Variants in SLC19A1 observed in about 807,000 individuals in gnomAD.
SLC19A1 encodes the protein solute carrier family 19 member 1.
Under a neutral mutation model 35.3 loss-of-function variants are expected in SLC19A1, and 37 were observed. The observed-to-expected ratio is 1.05, with a 90% CI of 0.81 to 1.38. The LOEUF is 1.38. Ranked by LOEUF, SLC19A1 falls within the 40% of genes most tolerant of loss-of-function variation. The probability of loss-of-function intolerance (pLI) is 0.00; values close to 1 mark genes in which losing one functional copy is unlikely to be tolerated. For missense variants in SLC19A1, 831 were observed against 826.9 expected (o/e 1.00, Z -0.06); for synonymous variants, 460 against 398.5 (o/e 1.15, Z -1.84).
chr21:45,554,934 T>G (rs550417462), intron 1 of SLC19A1, among the ~76,000 whole-genome samples: 2 of 151,746 alleles, frequency 1.3e-5, no homozygotes, highest in East Asian at 4.0e-4. Flanking sequence ...GCAGCCCCTT[T>G]GACGACATCG....
chr21:45,527,940 TAAAAA>T (rs35809128), intron 4 of SLC19A1, among the ~76,000 whole-genome samples: 1 of 135,636 alleles, frequency 7.4e-6, no homozygotes. Flanking sequence ...GCAAAGTGCT[TAAAAA>T]AAAAAAAAAA....
At position 45,515,614 on chromosome 21, in the gene SLC19A1, G is replaced by A; in HGVS notation, c.*44C>T. 6.2e-7 allele frequency: 1 copy of A among 1,610,554 alleles called. No homozygotes were observed. Among genetic ancestry groups the A allele is most frequent in the Non-Finnish European group, 8.5e-7 (1 of 1,179,724 alleles). On this transcript the variant is annotated 3_prime_UTR_variant, in exon 6 of 6. Transcript: ENST00000311124. ...CCCTCGAGGCAGGGGTCGTGGGGAT[G>A]CACTGAGGGCCGCCTGCAAAGTTAC...
At chr21:45,511,274 A>AAGGC (rs527920027), downstream of SLC19A1, 381 of 1,081,632 alleles carry the variant, frequency 3.5e-4, 6 homozygotes, top group African/African-American at 3.2e-3. Flanking sequence ...CCAGCCAGGG[A>AAGGC]AGGCGGGCGG....
intron 1 of SLC19A1, among the ~76,000 whole-genome samples, chr21:45,555,014 G>T (rs2078529507): frequency 6.6e-6 from 1 of 150,828 alleles, no homozygotes; most frequent in East Asian, 2.0e-4. Context: ...CAGGTTATGC[G>T]TGGGGCCGCC....
At position 45,537,855 on chromosome 21, in the gene SLC19A1, G is replaced by A. The variant is rs777892290; in HGVS notation, c.105C>T (p.Tyr35=). 2.5e-5 allele frequency: 41 copies of A among 1,607,870 alleles called. No individual in the cohort carries two copies. Among genetic ancestry groups the A allele is most frequent in the Middle Eastern group, 1.6e-4 (1 of 6,078 alleles). ...CTGGCCGTATCTGCGCCATGAAGCCGTAGAAGCAAAGGTAGCACACGAGGT... is the reference window on the plus strand; with the variant it reads ...CTGGCCGTATCTGCGCCATGAAGCCATAGAAGCAAAGGTAGCACACGAGGT... ...WRHLVCYLCF[Y]GFMAQIRPGE... The change falls in exon 2 of 6, where the codon TAC becomes TAT. Residue 35 remains tyrosine (Y), a synonymous_variant. Coordinates refer to ENST00000311124, the MANE Select transcript of SLC19A1 (RefSeq NM_194255.4).
At chr21:45,507,053 A>C in intron 3 of SLC19A1, 1 of 320,074 alleles carries the variant, frequency 3.1e-6, no homozygotes, top group Non-Finnish European at 6.2e-6. Context: ...CATCCTAGCA[A>C]ACGCGTGCTG....
In SLC19A1 at chr21:45,514,988, C is replaced by T. The variant is rs989807339; in HGVS notation, c.*670G>A. 4.0e-6 allele frequency: 6 copies of T among 1,510,670 alleles called. No individual in the cohort carries two copies. In the African/African-American group the frequency reaches 7.2e-5, roughly 18 times the overall value. The allele number at this position is 1,510,670 out of a possible 1,614,324, so 93.6% of individuals were successfully genotyped here. ...GAGGACCCGCAGGTCAGGATGGACA[C>T]ACTTCAGAAGGACAGACAGGACCAT... is the stretch of plus-strand genomic sequence containing the variant. On this transcript the variant is annotated 3_prime_UTR_variant, in exon 6 of 6. Transcript: ENST00000311124.
intron 3 of SLC19A1, chr21:45,502,530 C>T (rs538291868): frequency 3.3e-5 from 5 of 152,224 alleles, no homozygotes; most frequent in South Asian, 2.1e-4. Context: ...AGAGAAATTG[C>T]GTATGTTTTA....
intron 5 of SLC19A1, among the ~76,000 whole-genome samples, chr21:45,523,226 C>A (rs143495419): frequency 1.3e-5 from 2 of 152,104 alleles, no homozygotes; most frequent in Admixed American, 1.3e-4. Flanking sequence ...GTAACAGGCA[C>A]GGGGGCAAGA....
chr21:45,526,416 G>A (rs965607741), intron 4 of SLC19A1, among the ~76,000 whole-genome samples: 2 of 152,158 alleles, frequency 1.3e-5, no homozygotes, highest in African/African-American at 4.8e-5. Context: ...GCCTGCTACT[G>A]CCCAGGGCCT....
At chr21:45,527,068 G>A (rs1385278145) in intron 4 of SLC19A1, among the ~76,000 whole-genome samples, 1 of 152,284 alleles carries the variant, frequency 6.6e-6, no homozygotes, top group Non-Finnish European at 1.5e-5. Context: ...AGTCTTTCAC[G>A]GTTAAATGTT....
intron 1 of SLC19A1, among the ~76,000 whole-genome samples, chr21:45,561,167 C>T (rs55804239): frequency 0.41 from 61,672 of 152,008 alleles, 12,706 homozygotes; most frequent in African/African-American, 0.48. Flanking sequence ...GAGGTCTGAA[C>T]AACACCCAGC....
chr21:45,556,607 C>T (rs1057157525), intron 1 of SLC19A1, among the ~76,000 whole-genome samples: 5 of 152,250 alleles, frequency 3.3e-5, no homozygotes, highest in African/African-American at 1.2e-4. Context: ...ACCGTGCAGA[C>T]GAAACCAGTC....
At chr21:45,549,664 G>A (rs2078445674) in intron 1 of SLC19A1, among the ~76,000 whole-genome samples, 1 of 93,632 alleles carries the variant, frequency 1.1e-5, no homozygotes, top group Admixed American at 1.0e-4. Context: ...GGGTGGTGGG[G>A]AGGGGGACAG....
chr21:45,520,863 A>C (rs1388231658), intron 5 of SLC19A1, among the ~76,000 whole-genome samples: 4 of 151,864 alleles, frequency 2.6e-5, no homozygotes, highest in African/African-American at 9.7e-5. Context: ...TCTACTAAAA[A>C]CATGAAATTA....
chr21:45,504,285 A>T (rs564033423), intron 3 of SLC19A1: 31 of 978,738 alleles, frequency 3.2e-5, no homozygotes, highest in Non-Finnish European at 4.6e-6. Context: ...GCCCTATTCT[A>T]TGCAGCCAGC....
Position 45,505,467 on chromosome 21 carries a change from C to T in SLC19A1, c.498-6855G>A, listed in dbSNP as rs763593845. On this transcript the variant is annotated intron_variant, in intron 3 of 4. Transcript: ENST00000417954. ...GGGCAGCCGGCTGGGCACCTGCGTC[C>T]CGTGCCCTGGCTGGTTCTGCAGCCC... 14 of 1,138,656 alleles carry T rather than the reference C, an allele frequency of 1.2e-5. No homozygotes were observed. In the African/African-American group the frequency reaches 1.8e-4, roughly 15 times the overall value. The allele number at this position is 1,138,656 out of a possible 1,614,324, so 70.5% of individuals were successfully genotyped here.
chr21:45,531,009 G>A (rs2077867658), intron 3 of SLC19A1, 38 bp from the exon 4 acceptor site: 3 of 1,376,588 alleles, frequency 2.2e-6, no homozygotes, highest in Non-Finnish European at 1.9e-6. Context: ...GCGGCCCTGG[G>A]GGGCCACGGG....
rs78555948 is a variant in SLC19A1, at chr21:45,503,900, C to T, written c.498-5288G>A. 5.4e-3 allele frequency: 6,015 copies of T among 1,115,026 alleles called. 150 individuals are homozygous for T. Among genetic ancestry groups the T allele is most frequent in the South Asian group, 0.043 (3,428 of 79,940 alleles). 69.1% of individuals were successfully genotyped at this position (1,115,026 alleles called of 1,614,324 possible). ...CTAATTAAATACGCGATCTCTACCG[C>T]GAAATGGCTAGAAGGGCCTCAGGCA... is the stretch of plus-strand genomic sequence containing the variant. On this transcript the variant is annotated intron_variant, in intron 3 of 4. Transcript: ENST00000417954.
Sources: gnomAD v4.1 joint callset for allele counts (sites outside exome capture counted in the v4.1 genomes callset) on GRCh38, gnomAD v4.1.1 for gene constraint, MANE v1.5 for transcripts, NCBI Gene and HGNC (gene_info 2026-07-23, HGNC 2026-07-21) for gene names.